DLG2: variants seen among roughly 807,000 people sequenced by gnomAD.
DLG2 encodes the protein disks large homolog 2.
A neutral mutation model predicts 132.5 loss-of-function variants in DLG2; 45 were observed. The ratio of observed to expected loss-of-function variants is 0.34; its 90% CI spans 0.27 to 0.44. DLG2 has a LOEUF of 0.44. Among genes scored for constraint, DLG2 ranks in the 20% least tolerant of loss-of-function variants. The probability of loss-of-function intolerance (pLI) is 1.00; values close to 1 mark genes in which losing one functional copy is unlikely to be tolerated. For synonymous variants in DLG2, 424 were observed against 419.6 expected, an observed-to-expected ratio of 1.01 and a Z score of -0.13; for missense variants, 1,045 against 1,196.9, an observed-to-expected ratio of 0.87 and a Z score of 1.87.
At chr11:84,645,194 C>G (rs1239914210) in intron 6 of DLG2, among the ~76,000 whole-genome samples, 1 of 152,186 alleles carries the variant, frequency 6.6e-6, no homozygotes, top group Admixed American at 6.5e-5. Flanking sequence ...ATTCCAACTA[C>G]TAGCTATGTG....
Position 83,741,105 on chromosome 11 carries a change from T to G in DLG2, c.1825+45585A>C, listed in dbSNP as rs112902963. On this transcript the variant is annotated intron_variant, in intron 18 of 27. Coordinates refer to ENST00000376104, the MANE Select transcript of DLG2 (RefSeq NM_001142699.3). ...AGCTTTTGATAAAATCCAAATTCCC[T>G]TCACTGATAAAAACCCTTAACAGAC... is the stretch of plus-strand genomic sequence containing the variant. Among the ~76,000 whole-genome samples the G allele has an allele frequency of 9.7e-4, 148 of 152,294 alleles. 2 individuals carry two copies. Among genetic ancestry groups the G allele is most frequent in the Non-Finnish European group, 1.7e-3 (119 of 68,026 alleles).
At chr11:84,112,745 C>T (rs1008696150) in intron 9 of DLG2, among the ~76,000 whole-genome samples, 1 of 152,134 alleles carries the variant, frequency 6.6e-6, no homozygotes, top group African/African-American at 2.4e-5. Context: ...CCAACCTTGA[C>T]TAGGCAAGAG....
intron 2 of DLG2, among the ~76,000 whole-genome samples, chr11:85,610,031 T>C (rs928129017): frequency 1.3e-5 from 2 of 152,188 alleles, no homozygotes; most frequent in Admixed American, 1.3e-4. Context: ...AAGTTATCCA[T>C]TTGTTGTCCC....
chr11:84,671,370 T>C (rs1425750655), intron 6 of DLG2, among the ~76,000 whole-genome samples: 1 of 152,148 alleles, frequency 6.6e-6, no homozygotes, highest in Non-Finnish European at 1.5e-5. Context: ...ACCAAAGTGC[T>C]GGAATTACAA....
chr11:85,509,783 T>C (rs1005585948), intron 3 of DLG2, among the ~76,000 whole-genome samples: 4 of 152,034 alleles, frequency 2.6e-5, no homozygotes, highest in Non-Finnish European at 5.9e-5. Context: ...TATGAATCAC[T>C]GATGAATTAA....
chr11:83,490,265 C>T (rs2093764336), intron 21 of DLG2, among the ~76,000 whole-genome samples: 1 of 151,760 alleles, frequency 6.6e-6, no homozygotes, highest in Non-Finnish European at 1.5e-5. Flanking sequence ...TATGAAAAGA[C>T]ACAAACAAAA....
intron 11 of DLG2, among the ~76,000 whole-genome samples, chr11:84,000,434 G>A (rs183997994): frequency 1.3e-5 from 2 of 151,820 alleles, no homozygotes; most frequent in East Asian, 1.9e-4. Flanking sequence ...AGGATGAAAG[G>A]GTTAGAAAAA....
intron 21 of DLG2, among the ~76,000 whole-genome samples, chr11:83,511,044 A>AAC (rs58621950): frequency 9.4e-5 from 13 of 137,746 alleles, no homozygotes; most frequent in African/African-American, 3.5e-4. Flanking sequence ...AAAAAAAAAA[A>AAC]CCCTCTCTGT....
At chr11:84,482,359 T>C (rs1567748362) in intron 7 of DLG2, among the ~76,000 whole-genome samples, 1 of 152,210 alleles carries the variant, frequency 6.6e-6, no homozygotes, top group Non-Finnish European at 1.5e-5. Flanking sequence ...AACTTGTTAG[T>C]GTCAAAGGAT....
chr11:83,546,845 A>G (rs1345852141), intron 19 of DLG2, among the ~76,000 whole-genome samples: 1 of 152,152 alleles, frequency 6.6e-6, no homozygotes, highest in African/African-American at 2.4e-5. Context: ...TTCAATTCTC[A>G]CAGCTATCCT....
intron 6 of DLG2, among the ~76,000 whole-genome samples, chr11:85,036,110 G>C (rs2061415347): frequency 1.3e-5 from 2 of 152,132 alleles, no homozygotes; most frequent in South Asian, 4.1e-4. Flanking sequence ...GAAAAGCATA[G>C]TGCCTATCTC....
At chr11:84,080,712 C>T (rs2096889645) in intron 10 of DLG2, among the ~76,000 whole-genome samples, 1 of 152,136 alleles carries the variant, frequency 6.6e-6, no homozygotes, top group Admixed American at 6.5e-5. Context: ...TTGCTTTGGG[C>T]TGGGCACAGT....
chr11:83,810,089 T>A (rs1393501450), intron 17 of DLG2, among the ~76,000 whole-genome samples: 1 of 152,142 alleles, frequency 6.6e-6, no homozygotes. Context: ...TGTGAAGGTA[T>A]CTGTTGTATG....
intron 3 of DLG2, among the ~76,000 whole-genome samples, chr11:85,474,765 A>T (rs1415374796): frequency 6.6e-6 from 1 of 151,658 alleles, no homozygotes; most frequent in Non-Finnish European, 1.5e-5. Context: ...CATTTAATTT[A>T]ATTAAAATTT....
At chr11:83,549,543 T>C (rs777858819) in intron 19 of DLG2, among the ~76,000 whole-genome samples, 4 of 152,108 alleles carry the variant, frequency 2.6e-5, no homozygotes, top group Non-Finnish European at 4.4e-5. Context: ...CCACAAGTAC[T>C]GGAAGGGAGA....
intron 6 of DLG2, among the ~76,000 whole-genome samples, chr11:84,552,621 TTTAA>T (rs920546546): frequency 2.0e-5 from 3 of 152,192 alleles, no homozygotes; most frequent in African/African-American, 4.8e-5. Context: ...TGTCTGTTTA[TTTAA>T]TTGTTTACTT....
chr11:84,324,213 G>A (rs1331807162), intron 7 of DLG2, among the ~76,000 whole-genome samples: 1 of 151,960 alleles, frequency 6.6e-6, no homozygotes, highest in Non-Finnish European at 1.5e-5. Context: ...CAGGTCTTTA[G>A]TTTATTTTGA....
intron 6 of DLG2, among the ~76,000 whole-genome samples, chr11:85,082,732 TTTC>T (rs1163696454): frequency 4.3e-5 from 6 of 139,028 alleles, no homozygotes; most frequent in Admixed American, 7.4e-5. Context: ...TTTTCTTTTC[TTTC>T]TTTTTTTTTT....
chr11:84,749,946 A>G (rs1351012712), intron 6 of DLG2, among the ~76,000 whole-genome samples: 3 of 152,160 alleles, frequency 2.0e-5, no homozygotes, highest in Non-Finnish European at 2.9e-5. Flanking sequence ...TATCCAAAAT[A>G]CCTAGAAGAG....
Sources: gnomAD v4.1 joint callset for allele counts (sites outside exome capture counted in the v4.1 genomes callset) on GRCh38, gnomAD v4.1.1 for gene constraint, MANE v1.5 for transcripts, NCBI Gene and HGNC (gene_info 2026-07-23, HGNC 2026-07-21) for gene names.